STAU1: variants seen among roughly 807,000 people sequenced by gnomAD.
STAU1 encodes staufen double-stranded RNA binding protein 1.
Under a neutral mutation model 62.9 loss-of-function variants are expected in STAU1, and 13 were observed. That is an observed-to-expected ratio of 0.21 (90% CI 0.13 to 0.33). The LOEUF is 0.33. STAU1 is among the 10% of genes least tolerant of loss of function. The probability of loss-of-function intolerance (pLI) is 1.00; values close to 1 mark genes in which losing one functional copy is unlikely to be tolerated. For missense variants in STAU1, 571 were observed against 712.1 expected (o/e 0.80, Z 2.25); for synonymous variants, 269 against 265.1 (o/e 1.01, Z -0.14).
chr20:49,178,660 A>G (rs1600873937), intron 1 of STAU1, among the ~76,000 whole-genome samples: 1 of 152,152 alleles, frequency 6.6e-6, no homozygotes, highest in East Asian at 1.9e-4. Context: ...CTGAGGCTGA[A>G]CAATCACTTG....
At chr20:49,211,906 T>G in the STAU1 span, among the ~76,000 whole-genome samples, 2 of 152,176 alleles carry the variant, frequency 1.3e-5, no homozygotes, top group Non-Finnish European at 2.9e-5. Context: ...ACTACCAAAC[T>G]GTTTTCCACA....
At chr20:49,195,463 G>A in the STAU1 span, among the ~76,000 whole-genome samples, 5 of 143,858 alleles carry the variant, frequency 3.5e-5, no homozygotes, top group Admixed American at 2.2e-4. Context: ...GCGTGAACCC[G>A]GGAGGCGGAG....
At chr20:49,170,521 T>C (rs1381342972) in intron 2 of STAU1, among the ~76,000 whole-genome samples, 1 of 152,068 alleles carries the variant, frequency 6.6e-6, no homozygotes, top group East Asian at 1.9e-4. Context: ...TGGCTAATTA[T>C]TTTGTGTTTT....
At chr20:49,135,701 G>T in intron 6 of STAU1, 132 bp downstream of exon 6, 2 of 705,292 alleles carry the variant, frequency 2.8e-6, no homozygotes, top group Non-Finnish European at 4.7e-6. Context: ...TAAATATAAA[G>T]TATGAATCTT....
intron 3 of STAU1, among the ~76,000 whole-genome samples, chr20:49,163,925 C>T (rs1490774179): frequency 1.3e-5 from 2 of 151,696 alleles, no homozygotes; most frequent in African/African-American, 4.8e-5. Flanking sequence ...CCATCAAGCC[C>T]AGCTAATTTT....
At chr20:49,178,352 G>C (rs1367076691) in intron 1 of STAU1, among the ~76,000 whole-genome samples, 1 of 152,096 alleles carries the variant, frequency 6.6e-6, no homozygotes, top group Admixed American at 6.5e-5. Flanking sequence ...CGTGGCTCAG[G>C]CCTGTAATCC....
rs777596740 is a variant in STAU1, at chr20:49,115,829, G to A, written c.1671C>T (p.Asp557=). The change falls in exon 13 of 14, where the codon GAC becomes GAT. Residue 557 remains aspartate (D), a synonymous_variant. Coordinates refer to ENST00000371856, the MANE Select transcript of STAU1 (RefSeq NM_017453.4). ...LNILKLLSEL[D]QQSTEMPRTG... is the part of the protein sequence containing the mutation. ...TTCTTGGCATCTCTGTACTTTGTTG[G>A]TCCAACTCAGACAGCAACTTTAAGA... 3.8e-5 allele frequency: 61 copies of A among 1,613,880 alleles called. No homozygotes were observed. In the Middle Eastern group the frequency reaches 6.6e-4, roughly 17 times the overall value.
chr20:49,187,773 ACCCCCCCCCC>A (rs748894566), intron 1 of STAU1, among the ~76,000 whole-genome samples: 2 of 20,316 alleles, frequency 9.8e-5, no homozygotes, highest in African/African-American at 5.0e-4. Flanking sequence ...TGAAGCAGGG[ACCCCCCCCCC>A]CCCCCGCCTG....
chr20:49,204,293 G>A, the STAU1 span, among the ~76,000 whole-genome samples: 2 of 151,056 alleles, frequency 1.3e-5, no homozygotes, highest in Admixed American at 1.3e-4. Context: ...CCTATTTTTT[G>A]TATTTTTTAT....
the STAU1 span, among the ~76,000 whole-genome samples, chr20:49,201,501 G>T: frequency 2.0e-5 from 3 of 152,092 alleles, no homozygotes; most frequent in Admixed American, 6.6e-5. Flanking sequence ...CAGCACTTTG[G>T]GGGGCTGAGG....
chr20:49,145,607 G>A (rs1484161174), intron 5 of STAU1, among the ~76,000 whole-genome samples: 2 of 151,600 alleles, frequency 1.3e-5, no homozygotes, highest in African/African-American at 4.9e-5. Context: ...GCACATGCCT[G>A]TAATCCCAGC....
Position 49,114,300 on chromosome 20 carries a change from T to G in STAU1, c.*578A>C, listed in dbSNP as rs1472133277. The G allele has an allele frequency of 2.6e-5, 4 of 152,864 alleles. No homozygotes were observed. Among genetic ancestry groups the G allele is most frequent in the Admixed American group, 2.0e-4 (3 of 15,294 alleles). 9.5% of individuals were successfully genotyped at this position (152,864 alleles called of 1,614,324 possible). Reference sequence around the variant, plus strand: ...CAAAAGAAAATAATGAAACTAAGAATACAGATCACTGTTGGAAGAGAAAGC... The same window carrying G: ...CAAAAGAAAATAATGAAACTAAGAAGACAGATCACTGTTGGAAGAGAAAGC... On this transcript the variant is annotated 3_prime_UTR_variant, in exon 14 of 14. Coordinates refer to ENST00000371856, the MANE Select transcript of STAU1 (RefSeq NM_017453.4).
intron 3 of STAU1, among the ~76,000 whole-genome samples, chr20:49,163,029 TAAAAATAC>T (rs1198122112): frequency 6.6e-6 from 1 of 151,152 alleles, no homozygotes; most frequent in Non-Finnish European, 1.5e-5. Context: ...CCATCTCTAC[TAAAAATAC>T]AAAAATTAGC....
chr20:49,202,779 C>T, the STAU1 span, among the ~76,000 whole-genome samples: 10 of 151,914 alleles, frequency 6.6e-5, no homozygotes, highest in Admixed American at 3.9e-4. Context: ...TGGCTCAACG[C>T]CTGTAGTCCC....
chr20:49,115,414 C>T (rs533890472), intron 13 of STAU1, among the ~76,000 whole-genome samples: 13 of 152,224 alleles, frequency 8.5e-5, no homozygotes, highest in Admixed American at 4.6e-4. Context: ...CAGTTCTCTG[C>T]CTCGGCCTCC....
chr20:49,190,589 T>G (rs1329152598), upstream of STAU1, among the ~76,000 whole-genome samples: 4 of 152,176 alleles, frequency 2.6e-5, no homozygotes, highest in Non-Finnish European at 5.9e-5. Flanking sequence ...GGGGGGATTA[T>G]TCCAGGTGTG....
chr20:49,217,960 G>T, the STAU1 span, among the ~76,000 whole-genome samples: 1 of 151,478 alleles, frequency 6.6e-6, no homozygotes. Flanking sequence ...CGCAACTTCC[G>T]CCTCCTGGGT....
chr20:49,217,581 G>C, the STAU1 span, among the ~76,000 whole-genome samples: 2 of 151,274 alleles, frequency 1.3e-5, no homozygotes, highest in Non-Finnish European at 2.9e-5. Context: ...AAATAACTAG[G>C]AAGTTACCCA....
chr20:49,128,262 G>C (rs1183526325), intron 6 of STAU1, among the ~76,000 whole-genome samples: 1 of 152,214 alleles, frequency 6.6e-6, no homozygotes, highest in Non-Finnish European at 1.5e-5. Context: ...GGAGGTCGAG[G>C]TTGCAGTGAG....
Sources: allele counts gnomAD v4.1 joint callset (sites outside exome capture counted in the v4.1 genomes callset), GRCh38; gene constraint gnomAD v4.1.1; transcripts MANE v1.5; gene names NCBI Gene and HGNC (gene_info 2026-07-23, HGNC 2026-07-21).